Variants in AMOTL1 observed in about 807,000 individuals in gnomAD.
AMOTL1 encodes the protein angiomotin-like protein 1.
AMOTL1 carries 45 observed loss-of-function variants against 102.9 expected under a neutral mutation model. The ratio of observed to expected loss-of-function variants is 0.44; its 90% CI spans 0.34 to 0.56. The LOEUF (loss-of-function observed/expected upper bound fraction) is 0.56, where lower values mean the gene tolerates loss of function less well. AMOTL1 is among the 20% of genes least tolerant of loss of function. The pLI is 0.01. For synonymous variants in AMOTL1, 481 were observed against 484.7 expected (o/e 0.99, Z 0.10); for missense variants, 1,114 against 1,225.6 (o/e 0.91, Z 1.36).
chr11:94,849,799 A>T (rs1952492566), intron 6 of AMOTL1, among the ~76,000 whole-genome samples: 1 of 152,186 alleles, frequency 6.6e-6, no homozygotes, highest in African/African-American at 2.4e-5. Context: ...CATAAAATGT[A>T]ATAGTAGATA....
chr11:94,714,971 C>A (rs981337021), intron 1 of AMOTL1, among the ~76,000 whole-genome samples: 1 of 151,974 alleles, frequency 6.6e-6, no homozygotes, highest in East Asian at 1.9e-4. Context: ...TACTGACTTG[C>A]GATTATTTCT....
chr11:94,791,225 A>G (rs1222151222), intron 1 of AMOTL1, among the ~76,000 whole-genome samples: 1 of 152,252 alleles, frequency 6.6e-6, no homozygotes, highest in Non-Finnish European at 1.5e-5. Flanking sequence ...GAAATGGGTC[A>G]TAGGCAACAT....
chr11:94,872,112 T>C lies in AMOTL1; in HGVS notation c.*1317T>C, dbSNP rs1362686069. On this transcript the variant is annotated 3_prime_UTR_variant, in exon 13 of 13. Transcript: ENST00000433060. ...TTGTCAGGTTTTTCCGGGTTTCAGT[T>C]TTGAGGCAGTTTATTCAAAGTGAGA... 1 of 152,108 alleles carries C rather than the reference T, an allele frequency of 6.6e-6. No individual in the cohort carries two copies. The highest frequency in any genetic ancestry group is 1.5e-5 in the Non-Finnish European group (1 of 68,042). 9.4% of individuals were successfully genotyped at this position (152,108 alleles called of 1,614,324 possible).
intron 3 of AMOTL1, among the ~76,000 whole-genome samples, chr11:94,755,524 C>A (rs891545321): frequency 2.6e-5 from 4 of 152,178 alleles, no homozygotes; most frequent in African/African-American, 9.7e-5. Context: ...ATAACGATTT[C>A]TTTATAGAGA....
intron 3 of AMOTL1, among the ~76,000 whole-genome samples, chr11:94,755,807 T>C (rs542211989): frequency 4.1e-4 from 63 of 152,262 alleles, no homozygotes; most frequent in Middle Eastern, 6.8e-3. Flanking sequence ...AGTGGGTGTG[T>C]GTTACAGTGT....
At chr11:94,751,812 G>GCA (rs573824452) in intron 3 of AMOTL1, among the ~76,000 whole-genome samples, 12 of 149,410 alleles carry the variant, frequency 8.0e-5, no homozygotes, top group East Asian at 4.0e-4. Flanking sequence ...GTGCACACAC[G>GCA]CACACACACA....
chr11:94,855,644 C>T (rs2135720264), intron 8 of AMOTL1, among the ~76,000 whole-genome samples: 1 of 152,328 alleles, frequency 6.6e-6, no homozygotes, highest in East Asian at 1.9e-4. Context: ...TAGATTACTT[C>T]TCCTTGGCTC....
chr11:94,718,277 T>C (rs1231220807), intron 1 of AMOTL1, among the ~76,000 whole-genome samples: 1 of 152,036 alleles, frequency 6.6e-6, no homozygotes, highest in Non-Finnish European at 1.5e-5. Context: ...AGAGTCATTT[T>C]ATTTGTTTTA....
At chr11:94,819,995 C>T (rs1193331142) in intron 3 of AMOTL1, among the ~76,000 whole-genome samples, 1 of 152,080 alleles carries the variant, frequency 6.6e-6, no homozygotes, top group Non-Finnish European at 1.5e-5. Flanking sequence ...GGTATTTGAG[C>T]TATGAAGGGA....
chr11:94,870,939 A>T lies in AMOTL1; in HGVS notation c.*144A>T, dbSNP rs553382502. ...TTTCAGACTCATAAGAACACATTTTATAAATGTTAAACACAAAAACTACAT... is the reference window on the plus strand; with the variant it reads ...TTTCAGACTCATAAGAACACATTTTTTAAATGTTAAACACAAAAACTACAT... On this transcript the variant is annotated 3_prime_UTR_variant, in exon 13 of 13. Coordinates refer to ENST00000433060, the MANE Select transcript of AMOTL1 (RefSeq NM_130847.3). 9 of 606,116 alleles carry T rather than the reference A, an allele frequency of 1.5e-5. No individual in the cohort carries two copies. The highest frequency in any genetic ancestry group is 1.4e-4 in the East Asian group (5 of 35,266). 37.5% of individuals were successfully genotyped at this position (606,116 alleles called of 1,614,324 possible). A position where few individuals can be genotyped will look rare whatever the true frequency, so the allele number is the denominator to read the frequency against.
chr11:94,869,568 C>G lies in AMOTL1; in HGVS notation c.2764+95C>G, dbSNP rs1952952846. The G allele has an allele frequency of 2.9e-6, 4 of 1,387,778 alleles. No homozygotes were observed. The African/African-American group carries it at 4.3e-5, about 15-fold the overall frequency. 86.0% of individuals were successfully genotyped at this position (1,387,778 alleles called of 1,614,324 possible). On this transcript the variant is annotated intron_variant, in intron 12 of 12. Transcript: ENST00000433060. ...TGAGCTAGAGAGGAAGCAGGGGCAC[C>G]CATCAGCTCTTACTCTATGGGGATG...
At chr11:94,738,567 C>T (rs1950469873) in intron 2 of AMOTL1, among the ~76,000 whole-genome samples, 1 of 152,142 alleles carries the variant, frequency 6.6e-6, no homozygotes, top group South Asian at 2.1e-4. Context: ...CAATTTTGTG[C>T]TTCTTCAATC....
intron 1 of AMOTL1, among the ~76,000 whole-genome samples, chr11:94,723,178 C>A (rs917527757): frequency 1.3e-5 from 2 of 152,086 alleles, no homozygotes; most frequent in African/African-American, 2.4e-5. Flanking sequence ...ACCGTGCTAA[C>A]AGTGGGAACG....
upstream of AMOTL1, among the ~76,000 whole-genome samples, chr11:94,765,182 G>A (rs574432401): frequency 6.6e-6 from 1 of 152,322 alleles, no homozygotes; most frequent in Non-Finnish European, 1.5e-5. Flanking sequence ...ATGAGTAAAT[G>A]ACAACTTGGG....
At chr11:94,708,341 G>A (rs568383963) in intron 1 of AMOTL1, among the ~76,000 whole-genome samples, 3 of 152,260 alleles carry the variant, frequency 2.0e-5, no homozygotes, top group South Asian at 4.1e-4. Flanking sequence ...GCCAGAATGC[G>A]AGAGGATAGG....
intron 4 of AMOTL1, 129 bp from the exon 5 acceptor site, chr11:94,829,921 G>A (rs944010282): frequency 1.1e-6 from 1 of 908,190 alleles, no homozygotes; most frequent in African/African-American, 1.7e-5. Flanking sequence ...TGGTACACAT[G>A]AAACTTGAGA....
intron 3 of AMOTL1, among the ~76,000 whole-genome samples, chr11:94,744,423 A>G (rs1330497765): frequency 5.9e-5 from 9 of 152,196 alleles, no homozygotes; most frequent in Non-Finnish European, 1.3e-4. Flanking sequence ...GGATAGGTTC[A>G]CTAAGTCAGA....
intron 1 of AMOTL1, among the ~76,000 whole-genome samples, chr11:94,718,497 C>A (rs1017047198): frequency 2.0e-5 from 3 of 151,810 alleles, no homozygotes; most frequent in Non-Finnish European, 4.4e-5. Context: ...TGGGGATGTG[C>A]CAAATTGCCA....
chr11:94,837,372 T>G (rs1952205867), intron 6 of AMOTL1, among the ~76,000 whole-genome samples: 1 of 152,248 alleles, frequency 6.6e-6, no homozygotes, highest in Non-Finnish European at 1.5e-5. Flanking sequence ...ACATGTATTC[T>G]GCAACACTTC....
Sources: gnomAD v4.1 joint callset for allele counts (sites outside exome capture counted in the v4.1 genomes callset) on GRCh38, gnomAD v4.1.1 for gene constraint, MANE v1.5 for transcripts, NCBI Gene and HGNC (gene_info 2026-07-23, HGNC 2026-07-21) for gene names.